The following NYAP2 variants were observed in gnomAD, a reference collection of about 807,000 sequenced individuals.
NYAP2 encodes the protein neuronal tyrosine-phosphorylated phosphoinositide-3-kinase adaptor 2.
Under a neutral mutation model 50.4 loss-of-function variants are expected in NYAP2, and 23 were observed. That is an observed-to-expected ratio of 0.46 (90% CI 0.33 to 0.65). The LOEUF is 0.65. NYAP2 is among the 30% of genes least tolerant of loss of function. The pLI, the probability that NYAP2 is intolerant of heterozygous loss-of-function variation, is 0.02. For synonymous variants in NYAP2, 394 were observed against 365.2 expected (o/e 1.08, Z -0.90); for missense variants, 885 against 861.0 (o/e 1.03, Z -0.35).
At chr2:225,589,516 A>AAAATATATAT (rs112700820) in intron 5 of NYAP2, among the ~76,000 whole-genome samples, 78 of 71,268 alleles carry the variant, frequency 1.1e-3, no homozygotes, top group African/African-American at 2.7e-3. Flanking sequence ...CTAAAAGTAA[A>AAAATATATAT]ATATATATAT....
At chr2:225,556,697 G>A (rs376048190) in intron 4 of NYAP2, among the ~76,000 whole-genome samples, 2 of 151,102 alleles carry the variant, frequency 1.3e-5, no homozygotes, top group East Asian at 3.9e-4. Context: ...TCTCTGGTTG[G>A]CAGCTACTTC....
Position 225,513,321 on chromosome 2 carries a change from T to TA in NYAP2, c.222-49dup, listed in dbSNP as rs753937643. The TA allele has an allele frequency of 2.6e-6, 4 of 1,557,476 alleles. No homozygotes were observed. The African/African-American group carries it at 4.1e-5, about 16-fold the overall frequency. On this transcript the variant is annotated intron_variant, in intron 3 of 6. Coordinates refer to ENST00000636099, the Ensembl canonical transcript of NYAP2. The stretch of plus-strand genomic sequence containing the variant: ...ATATTCTCACATGTATGATCTTGTA[T>TA]ATCCTGGCTCCTTTTGTCTTCATGG...
At chr2:225,540,996 AGAT>A (rs1200656532) in intron 4 of NYAP2, among the ~76,000 whole-genome samples, 3 of 152,064 alleles carry the variant, frequency 2.0e-5, no homozygotes, top group African/African-American at 4.8e-5. Flanking sequence ...AATTTTGATG[AGAT>A]GATATTTATT....
At chr2:225,550,583 G>C (rs568398797) in intron 4 of NYAP2, among the ~76,000 whole-genome samples, 1 of 152,272 alleles carries the variant, frequency 6.6e-6, no homozygotes, top group Non-Finnish European at 1.5e-5. Flanking sequence ...AAGAAGTAGG[G>C]AAATGGGTGG....
At chr2:225,687,217 A>G in the NYAP2 span, among the ~76,000 whole-genome samples, 43 of 152,278 alleles carry the variant, frequency 2.8e-4, no homozygotes, top group Admixed American at 1.4e-3. Flanking sequence ...ATATATCAAT[A>G]GGGCATGCTT....
In NYAP2 at chr2:225,602,986, A is replaced by G. The variant is rs187332005; in HGVS notation, c.1618+19951A>G. Among the ~76,000 whole-genome samples, 21 of 152,256 alleles carry G rather than the reference A, an allele frequency of 1.4e-4. No individual in the cohort carries two copies. The East Asian group carries it at 3.5e-3, about 25-fold the overall frequency. ...AATGGATGTTTTTATTTCTGCAAAA[A>G]AAAAAGTTATTGGGATTGTTTTTGG... On this transcript the variant is annotated intron_variant, in intron 5 of 6. Coordinates refer to ENST00000636099, the Ensembl canonical transcript of NYAP2.
intron 4 of NYAP2, among the ~76,000 whole-genome samples, chr2:225,571,197 CTG>C (rs1393991143): frequency 2.0e-5 from 3 of 152,228 alleles, no homozygotes; most frequent in African/African-American, 7.2e-5. Flanking sequence ...TGTTGAGTGT[CTG>C]TGGGTTTTCC....
At chr2:225,524,288 G>C (rs1030718087) in intron 4 of NYAP2, among the ~76,000 whole-genome samples, 4 of 152,184 alleles carry the variant, frequency 2.6e-5, no homozygotes, top group Admixed American at 2.6e-4. Flanking sequence ...GGAGTCTGAT[G>C]TTCAAGAGCA....
intron 3 of NYAP2, among the ~76,000 whole-genome samples, chr2:225,417,640 G>T (rs185738036): frequency 6.6e-6 from 1 of 151,898 alleles, no homozygotes; most frequent in South Asian, 2.1e-4. Context: ...TTGCATTTTC[G>T]TCTCTGATTT....
rs533429966 is a variant in NYAP2 at position 225,552,722 on chromosome 2, G to A, written c.524-29219G>A. 7.2e-5 allele frequency among the ~76,000 whole-genome samples: 11 copies of A among 152,218 alleles called. No individual in the cohort carries two copies. In the East Asian group the frequency reaches 1.5e-3, roughly 21 times the overall value. ...TTTTTGTTTTTTGAGACACAGTCTC[G>A]CTCTGTTGCCCAGGCTGGAGTGCAG... On this transcript the variant is annotated intron_variant, in intron 4 of 6. Coordinates refer to ENST00000636099, the Ensembl canonical transcript of NYAP2.
At chr2:225,596,352 A>G (rs1962858) in intron 5 of NYAP2, among the ~76,000 whole-genome samples, 136,182 of 152,206 alleles carry the variant, frequency 0.89, 61,336 homozygotes, top group Middle Eastern at 0.97. Flanking sequence ...GTGTTTAAAT[A>G]TTTGCCTCCC....
intron 5 of NYAP2, among the ~76,000 whole-genome samples, chr2:225,584,005 G>C (rs1023396434): frequency 1.3e-4 from 20 of 152,110 alleles, no homozygotes; most frequent in African/African-American, 4.8e-4. Flanking sequence ...TCATGCCACT[G>C]CTCTCCAGCC....
At position 225,589,817 on chromosome 2, in the gene NYAP2, A is replaced by AAAAACC. The variant is rs527273199; in HGVS notation, c.1618+6786_1618+6791dup. Among the ~76,000 whole-genome samples the AAAAACC allele has an allele frequency of 1.3e-3, 194 of 152,250 alleles. 1 individual carries two copies. Among genetic ancestry groups the AAAAACC allele is most frequent in the African/African-American group, 4.5e-3 (186 of 41,534 alleles). On this transcript the variant is annotated intron_variant, in intron 5 of 6. Coordinates refer to ENST00000636099, the Ensembl canonical transcript of NYAP2. Reference sequence around the variant, plus strand: ...AAAGAGTAGGACAAAACAGGTATTGAAAAACCAAAGGGAAGGTTGGAGGAG... The same window carrying AAAAACC: ...AAAGAGTAGGACAAAACAGGTATTGAAAAACCAAAACCAAAGGGAAGGTTGGAGGAG...
intron 6 of NYAP2, among the ~76,000 whole-genome samples, chr2:225,646,540 G>T (rs1693638738): frequency 6.6e-6 from 1 of 152,150 alleles, no homozygotes; most frequent in Non-Finnish European, 1.5e-5. Context: ...AACAAGAGCA[G>T]AACTCGGTCT....
intron 5 of NYAP2, among the ~76,000 whole-genome samples, chr2:225,597,240 A>G (rs1014282976): frequency 6.6e-6 from 1 of 151,718 alleles, no homozygotes; most frequent in African/African-American, 2.4e-5. Flanking sequence ...TGGTGTGCCT[A>G]TCACCTAAGC....
chr2:225,604,633 C>T (rs946038552), intron 5 of NYAP2, among the ~76,000 whole-genome samples: 74 of 151,046 alleles, frequency 4.9e-4, no homozygotes, highest in Middle Eastern at 6.9e-3. Context: ...ACTCCATTTA[C>T]AATGTCATTT....
At chr2:225,671,244 G>A in the NYAP2 span, among the ~76,000 whole-genome samples, 1 of 151,882 alleles carries the variant, frequency 6.6e-6, no homozygotes, top group Non-Finnish European at 1.5e-5. Flanking sequence ...CCCCACAGTA[G>A]AATTAAAGTC....
chr2:225,532,048 T>C (rs1195191424), intron 4 of NYAP2, among the ~76,000 whole-genome samples: 1 of 152,256 alleles, frequency 6.6e-6, no homozygotes, highest in Non-Finnish European at 1.5e-5. Context: ...TCAATTGAGA[T>C]GCAACAGAGA....
intron 3 of NYAP2, among the ~76,000 whole-genome samples, chr2:225,444,620 T>A (rs1334530051): frequency 6.6e-6 from 1 of 152,190 alleles, no homozygotes; most frequent in Non-Finnish European, 1.5e-5. Context: ...AGGACATGAT[T>A]CTTTATTTTG....
Sources: allele counts gnomAD v4.1 joint callset (sites outside exome capture counted in the v4.1 genomes callset), GRCh38; gene constraint gnomAD v4.1.1; transcripts MANE v1.5; gene names NCBI Gene and HGNC (gene_info 2026-07-23, HGNC 2026-07-21).